TRIM49: variants seen among roughly 807,000 people sequenced by gnomAD.
The protein encoded by TRIM49 is tripartite motif containing 49.
Under a neutral mutation model 27.4 loss-of-function variants are expected in TRIM49, and 5 were observed. That is an observed-to-expected ratio of 0.18 (90% CI 0.10 to 0.38). The LOEUF (loss-of-function observed/expected upper bound fraction) is 0.38, where lower values mean the gene tolerates loss of function less well. Ranked by LOEUF, TRIM49 falls within the 10% of genes least tolerant of loss-of-function variation. The pLI is 1.00. For missense variants in TRIM49, 188 were observed against 487.5 expected, an observed-to-expected ratio of 0.39 and a Z score of 5.79; for synonymous variants, 69 against 166.0, an observed-to-expected ratio of 0.42 and a Z score of 4.49.
downstream of TRIM49, among the ~76,000 whole-genome samples, chr11:89,796,495 C>T (rs1429222502): frequency 1.5e-5 from 2 of 137,164 alleles, no homozygotes; most frequent in African/African-American, 6.3e-5. Context: ...CTTGGTCTCC[C>T]CAAGTGGTGG....
the TRIM49 span, among the ~76,000 whole-genome samples, chr11:89,770,135 T>A: frequency 2.8e-5 from 3 of 107,086 alleles, no homozygotes; most frequent in Non-Finnish European, 5.2e-5. Flanking sequence ...TTGTGCTCTG[T>A]GCCAAAGGCA....
chr11:89,804,037 G>A (rs768094246), intron 3 of TRIM49, 22 bp downstream of exon 3: 13 of 1,608,798 alleles, frequency 8.1e-6, no homozygotes, highest in African/African-American at 4.0e-5. Context: ...TACAGAAATC[G>A]ATCTTCAGAG....
At chr11:89,774,202 A>C in the TRIM49 span, among the ~76,000 whole-genome samples, 16 of 150,680 alleles carry the variant, frequency 1.1e-4, no homozygotes, top group Admixed American at 7.9e-4. Flanking sequence ...GAGTTTCACT[A>C]TCTTGGCCAG....
At chr11:89,785,148 G>A in the TRIM49 span, among the ~76,000 whole-genome samples, 1 of 145,678 alleles carries the variant, frequency 6.9e-6, no homozygotes, top group Non-Finnish European at 1.5e-5. Context: ...GAACCGAGGA[G>A]GCAAAGATAG....
the TRIM49 span, chr11:89,766,570 C>G: frequency 3.3e-5 from 24 of 720,626 alleles, 3 homozygotes; most frequent in South Asian, 3.6e-4. Flanking sequence ...AGTTCCCGAA[C>G]AGTCAGGTTT....
chr11:89,768,494 A>G, the TRIM49 span, among the ~76,000 whole-genome samples: 1 of 133,388 alleles, frequency 7.5e-6, no homozygotes, highest in South Asian at 2.3e-4. Flanking sequence ...CTCTCTCCCT[A>G]TTTGCCACCA....
the TRIM49 span, among the ~76,000 whole-genome samples, chr11:89,790,510 G>A: frequency 3.3e-5 from 5 of 151,998 alleles, no homozygotes; most frequent in Admixed American, 6.5e-5. Context: ...AGTAGGGGCA[G>A]ACTGACACCT....
chr11:89,768,864 G>T, the TRIM49 span: 3 of 495,830 alleles, frequency 6.1e-6, no homozygotes, highest in East Asian at 5.8e-5. Context: ...GAGAGAGAGA[G>T]AGAAAACGAC....
the TRIM49 span, chr11:89,787,951 T>C: frequency 5.4e-5 from 17 of 312,084 alleles, no homozygotes; most frequent in Non-Finnish European, 8.9e-5. Context: ...GCTGTCTCTC[T>C]AGGATGCTCC....
chr11:89,801,132 G>C, intron 5 of TRIM49, 144 bp from the exon 6 acceptor site: 2 of 1,502,004 alleles, frequency 1.3e-6, no homozygotes, highest in Non-Finnish European at 1.8e-6. Flanking sequence ...TGTTTCTTCT[G>C]TAAAGAAAAA....
the TRIM49 span, among the ~76,000 whole-genome samples, chr11:89,771,578 C>T: frequency 1.2e-5 from 1 of 81,682 alleles, no homozygotes. Context: ...TTTACTTTTC[C>T]ATCAGGAAAT....
chr11:89,796,197 C>T (rs150549885), downstream of TRIM49, among the ~76,000 whole-genome samples: 20 of 152,100 alleles, frequency 1.3e-4, no homozygotes, highest in East Asian at 2.7e-3. Context: ...CTATAATTAG[C>T]GCATTTATAA....
the TRIM49 span, among the ~76,000 whole-genome samples, chr11:89,774,946 G>T: frequency 6.7e-6 from 1 of 149,124 alleles, no homozygotes; most frequent in Non-Finnish European, 1.5e-5. Flanking sequence ...TAGAATGTGG[G>T]CATGTAGTAA....
At chr11:89,787,898 A>C in the TRIM49 span, 1 of 404,710 alleles carries the variant, frequency 2.5e-6, no homozygotes, top group Non-Finnish European at 4.4e-6. Flanking sequence ...GGGGCTGGGC[A>C]CCGTGGCAGC....
At chr11:89,793,134 A>G (rs1477552573), downstream of TRIM49, among the ~76,000 whole-genome samples, 2 of 152,206 alleles carry the variant, frequency 1.3e-5, no homozygotes, top group Non-Finnish European at 2.9e-5. Flanking sequence ...CAAATAAACT[A>G]GAAAATCTAG....
intron 4 of TRIM49, among the ~76,000 whole-genome samples, 177 bp downstream of exon 4, chr11:89,803,521 C>CT (rs1949757022): frequency 6.6e-6 from 1 of 151,560 alleles, no homozygotes; most frequent in African/African-American, 2.4e-5. Context: ...GAAATCCTAC[C>CT]TAACAGGCAT....
At chr11:89,797,620 T>A (rs1949700820), downstream of TRIM49, 1 of 152,164 alleles carries the variant, frequency 6.6e-6, no homozygotes, top group East Asian at 2.0e-4. Context: ...GTGGTGAGAA[T>A]TGCAAAATAA....
chr11:89,769,525 C>T, the TRIM49 span, among the ~76,000 whole-genome samples: 1 of 135,098 alleles, frequency 7.4e-6, no homozygotes, highest in Admixed American at 6.9e-5. Context: ...ATTCAGACCT[C>T]GTGCAGACAA....
At chr11:89,768,898 G>A in the TRIM49 span, 4 of 491,662 alleles carry the variant, frequency 8.1e-6, 1 homozygote, top group Non-Finnish European at 1.6e-5. Flanking sequence ...TGTTATTCTT[G>A]TTGGGTGAGG....
Sources: allele counts gnomAD v4.1 joint callset (sites outside exome capture counted in the v4.1 genomes callset), GRCh38; gene constraint gnomAD v4.1.1; transcripts MANE v1.5; gene names NCBI Gene and HGNC (gene_info 2026-07-23, HGNC 2026-07-21).